The following SPAG16 variants were observed in gnomAD, a reference collection of about 807,000 sequenced individuals.
SPAG16 encodes the protein sperm-associated antigen 16 protein.
SPAG16 carries 86 observed loss-of-function variants against 80.4 expected under a neutral mutation model. The ratio of observed to expected loss-of-function variants is 1.07; its 90% CI spans 0.90 to 1.28. The LOEUF (loss-of-function observed/expected upper bound fraction) is 1.28. SPAG16 is among the 50% of genes most tolerant of loss of function. The pLI, the probability that SPAG16 is intolerant of heterozygous loss-of-function variation, is 0.00. For missense variants in SPAG16, 870 were observed against 765.3 expected (o/e 1.14, Z -1.61); for synonymous variants, 294 against 265.9 (o/e 1.11, Z -1.03).
intron 10 of SPAG16, among the ~76,000 whole-genome samples, chr2:213,503,871 G>A (rs1273871690): frequency 6.6e-6 from 1 of 152,174 alleles, no homozygotes; most frequent in Non-Finnish European, 1.5e-5. Context: ...AGGGTTAGTG[G>A]GAGGAAAAGC....
At chr2:214,347,658 G>A (rs16851844) in intron 15 of SPAG16, among the ~76,000 whole-genome samples, 48,670 of 152,112 alleles carry the variant, frequency 0.32, 12,374 homozygotes, top group African/African-American at 0.71. Context: ...TATTATCACA[G>A]TGGTGTTATG....
chr2:214,323,570 G>A (rs916947586), intron 15 of SPAG16, among the ~76,000 whole-genome samples: 3 of 152,238 alleles, frequency 2.0e-5, no homozygotes, highest in Admixed American at 6.5e-5. Context: ...TCTCAGCCTA[G>A]AAAGTTAAAT....
At chr2:214,361,322 G>A (rs189201821) in intron 15 of SPAG16, among the ~76,000 whole-genome samples, 3 of 151,864 alleles carry the variant, frequency 2.0e-5, no homozygotes, top group East Asian at 1.9e-4. Context: ...TTCTTATTGC[G>A]CAAGTGGTTG....
chr2:213,305,043 G>A (rs776069138), intron 3 of SPAG16, among the ~76,000 whole-genome samples: 9 of 151,732 alleles, frequency 5.9e-5, no homozygotes, highest in South Asian at 2.1e-4. Flanking sequence ...TTTCTTTTTC[G>A]ATTTCTTTCA....
chr2:213,982,137 A>G (rs1429384895), intron 12 of SPAG16, among the ~76,000 whole-genome samples: 5 of 149,454 alleles, frequency 3.3e-5, no homozygotes. Flanking sequence ...TTAGTACTAC[A>G]TTCAATTTGT....
rs1158447338 is a variant in SPAG16 at position 214,041,978 on chromosome 2, GTATA to G, written c.1527+27928_1527+27931del. On this transcript the variant is annotated intron_variant, in intron 13 of 15. Coordinates refer to ENST00000331683, the MANE Select transcript of SPAG16 (RefSeq NM_024532.5). ...TGTATATATTTGTGTGTCTGTGTGT[GTATA>G]TATATATATATATATATATATATAT... Among the ~76,000 whole-genome samples the G allele has an allele frequency of 9.4e-3, 1,092 of 116,320 alleles. 7 individuals are homozygous for G. Among genetic ancestry groups the G allele is most frequent in the South Asian group, 0.025 (81 of 3,212 alleles). The allele number at this position is 116,320 out of a possible 152,430, so 76.3% of individuals were successfully genotyped here. A position where few individuals can be genotyped will look rare whatever the true frequency, so the allele number is the denominator to read the frequency against.
intron 4 of SPAG16, among the ~76,000 whole-genome samples, chr2:213,310,901 G>A (rs190264003): frequency 6.6e-6 from 1 of 151,686 alleles, no homozygotes; most frequent in Admixed American, 6.6e-5. Flanking sequence ...TTCTAGAAAG[G>A]GGGATTAATA....
At chr2:213,813,844 A>T (rs2072339738) in intron 10 of SPAG16, among the ~76,000 whole-genome samples, 2 of 152,208 alleles carry the variant, frequency 1.3e-5, no homozygotes, top group Non-Finnish European at 2.9e-5. Flanking sequence ...CAACACACAC[A>T]CATCAAAAAA....
intron 10 of SPAG16, among the ~76,000 whole-genome samples, chr2:213,540,646 A>G (rs140821985): frequency 1.3e-5 from 2 of 152,346 alleles, no homozygotes; most frequent in East Asian, 3.9e-4. Context: ...GAATATTTCC[A>G]TATTATGAAA....
At chr2:214,094,359 A>AT (rs1210837239) in intron 13 of SPAG16, among the ~76,000 whole-genome samples, 1 of 152,082 alleles carries the variant, frequency 6.6e-6, no homozygotes, top group African/African-American at 2.4e-5. Flanking sequence ...GCAGTAGATC[A>AT]TTTTTTCCCA....
intron 15 of SPAG16, among the ~76,000 whole-genome samples, chr2:214,173,295 C>T (rs2056948083): frequency 6.6e-6 from 1 of 152,034 alleles, no homozygotes; most frequent in African/African-American, 2.4e-5. Flanking sequence ...GGAAGGGATC[C>T]AGTTTCAGCT....
At chr2:213,602,068 G>A (rs769147378) in intron 10 of SPAG16, among the ~76,000 whole-genome samples, 12 of 152,170 alleles carry the variant, frequency 7.9e-5, no homozygotes, top group South Asian at 2.1e-4. Context: ...GACAGGAAGC[G>A]GAGCTCAGGC....
At chr2:213,337,694 GA>G (rs1288917655) in intron 5 of SPAG16, among the ~76,000 whole-genome samples, 1 of 151,884 alleles carries the variant, frequency 6.6e-6, no homozygotes, top group Non-Finnish European at 1.5e-5. Flanking sequence ...GAAAAGGAAT[GA>G]AAAAAACCTC....
At chr2:213,561,727 C>T (rs111836844) in intron 10 of SPAG16, among the ~76,000 whole-genome samples, 3,071 of 152,176 alleles carry the variant, frequency 0.02, 44 homozygotes, top group Middle Eastern at 0.051. Context: ...TCTTAATGTT[C>T]TATTTTTACA....
chr2:214,393,999 C>T (rs1267486856), intron 15 of SPAG16, among the ~76,000 whole-genome samples: 1 of 152,192 alleles, frequency 6.6e-6, no homozygotes, highest in Non-Finnish European at 1.5e-5. Context: ...TGGGCACTAC[C>T]ATTGGCCAAT....
At chr2:213,627,782 T>A (rs2062011402) in intron 10 of SPAG16, among the ~76,000 whole-genome samples, 1 of 152,240 alleles carries the variant, frequency 6.6e-6, no homozygotes, top group Non-Finnish European at 1.5e-5. Flanking sequence ...TGGGTATTCA[T>A]ATTTTAAATA....
intron 15 of SPAG16, among the ~76,000 whole-genome samples, chr2:214,369,133 G>T (rs1232013312): frequency 6.6e-6 from 1 of 152,016 alleles, no homozygotes; most frequent in East Asian, 1.9e-4. Flanking sequence ...CAACTCAGGA[G>T]ATTTTAGAAT....
chr2:214,290,770 A>T (rs1448952417), intron 15 of SPAG16, among the ~76,000 whole-genome samples: 1 of 152,174 alleles, frequency 6.6e-6, no homozygotes, highest in Non-Finnish European at 1.5e-5. Context: ...TTTATAAAAG[A>T]TTTGTTAAGA....
chr2:213,534,723 A>G (rs557221047), intron 10 of SPAG16, among the ~76,000 whole-genome samples: 46 of 152,090 alleles, frequency 3.0e-4, no homozygotes, highest in Non-Finnish European at 6.0e-4. Context: ...AGTTGCCTCC[A>G]TGAAGGGGAA....
Sources: gnomAD v4.1 joint callset for allele counts (sites outside exome capture counted in the v4.1 genomes callset) on GRCh38, gnomAD v4.1.1 for gene constraint, MANE v1.5 for transcripts, NCBI Gene and HGNC (gene_info 2026-07-23, HGNC 2026-07-21) for gene names.